MAGI2: variants seen among roughly 807,000 people sequenced by gnomAD.
MAGI2 encodes the protein membrane-associated guanylate kinase, WW and PDZ domain-containing protein 2.
Under a neutral mutation model 133.3 loss-of-function variants are expected in MAGI2, and 35 were observed. That is an observed-to-expected ratio of 0.26 (90% CI 0.20 to 0.35). The LOEUF (loss-of-function observed/expected upper bound fraction) is 0.35. MAGI2 is among the 10% of genes least tolerant of loss of function. MAGI2 has a pLI of 1.00. For synonymous variants in MAGI2, 729 were observed against 710.6 expected, an observed-to-expected ratio of 1.03 and a Z score of -0.41; for missense variants, 1,636 against 1,863.4, an observed-to-expected ratio of 0.88 and a Z score of 2.25.
At chr7:78,977,328 A>G (rs561706944) in intron 2 of MAGI2, among the ~76,000 whole-genome samples, 1 of 151,642 alleles carries the variant, frequency 6.6e-6, no homozygotes, top group South Asian at 2.1e-4. Flanking sequence ...CAATTCAATG[A>G]AGGAACCATC....
chr7:79,028,273 GTATGTA>G (rs1240425845), intron 1 of MAGI2, among the ~76,000 whole-genome samples: 567 of 20,652 alleles, frequency 0.027, 21 homozygotes, highest in African/African-American at 0.068. Flanking sequence ...ATATATGTAT[GTATGTA>G]TATATATATA....
intron 1 of MAGI2, among the ~76,000 whole-genome samples, chr7:79,205,470 T>A (rs925605033): frequency 6.6e-6 from 1 of 151,958 alleles, no homozygotes; most frequent in Non-Finnish European, 1.5e-5. Flanking sequence ...TGCAGACCTG[T>A]CTTATAAGAC....
chr7:78,978,765 G>C (rs1020939220), intron 2 of MAGI2, among the ~76,000 whole-genome samples: 1 of 151,876 alleles, frequency 6.6e-6, no homozygotes, highest in Non-Finnish European at 1.5e-5. Flanking sequence ...GGGTCGGGGA[G>C]CAATGAGCTA....
intron 1 of MAGI2, among the ~76,000 whole-genome samples, chr7:79,303,174 A>C (rs1289910337): frequency 2.9e-4 from 44 of 152,116 alleles, no homozygotes; most frequent in Admixed American, 2.9e-3. Flanking sequence ...AAGGGGTATG[A>C]GGGACACAAA....
intron 1 of MAGI2, among the ~76,000 whole-genome samples, chr7:79,051,326 T>C: frequency 6.6e-6 from 1 of 152,194 alleles, no homozygotes; most frequent in East Asian, 1.9e-4. Context: ...TGAGGGTCTT[T>C]TCTCAATGCA....
intron 10 of MAGI2, among the ~76,000 whole-genome samples, chr7:78,242,490 A>G (rs1791264133): frequency 2.0e-5 from 3 of 152,074 alleles, no homozygotes; most frequent in Admixed American, 6.5e-5. Context: ...GTCATTCACA[A>G]CTCATGCTGT....
chr7:78,304,600 C>T (rs901240691), intron 9 of MAGI2, among the ~76,000 whole-genome samples: 1 of 152,138 alleles, frequency 6.6e-6, no homozygotes, highest in Non-Finnish European at 1.5e-5. Flanking sequence ...TAGCAGTAAA[C>T]AAAATAGGCA....
intron 2 of MAGI2, among the ~76,000 whole-genome samples, chr7:78,944,657 C>T (rs1024557148): frequency 1.3e-5 from 2 of 151,984 alleles, no homozygotes; most frequent in Non-Finnish European, 2.9e-5. Flanking sequence ...TTGTACCACC[C>T]GCCCACTAGC....
intron 20 of MAGI2, among the ~76,000 whole-genome samples, chr7:78,083,846 C>T (rs1816328892): frequency 6.6e-6 from 1 of 152,174 alleles, no homozygotes; most frequent in Non-Finnish European, 1.5e-5. Context: ...GCAAACATCT[C>T]ATAATTCCTT....
chr7:79,031,943 C>T (rs929142315), intron 1 of MAGI2, among the ~76,000 whole-genome samples: 1 of 151,922 alleles, frequency 6.6e-6, no homozygotes, highest in Admixed American at 6.6e-5. Context: ...TCAGTATATT[C>T]ACATCAGGTA....
chr7:78,380,682 C>T (rs1325383181), intron 6 of MAGI2, among the ~76,000 whole-genome samples: 1 of 151,924 alleles, frequency 6.6e-6, no homozygotes, highest in Non-Finnish European at 1.5e-5. Flanking sequence ...TTTGATTGCA[C>T]AACAGGGAGA....
intron 6 of MAGI2, among the ~76,000 whole-genome samples, chr7:78,427,306 T>A (rs1164095059): frequency 6.6e-6 from 1 of 152,016 alleles, no homozygotes; most frequent in African/African-American, 2.4e-5. Context: ...ATTACCAGGC[T>A]GGATAAAAAA....
intron 2 of MAGI2, among the ~76,000 whole-genome samples, chr7:78,772,620 A>G (rs999197949): frequency 8.5e-5 from 13 of 152,304 alleles, no homozygotes; most frequent in Admixed American, 7.2e-4. Flanking sequence ...AGTCCCCTCC[A>G]TCAACACCTA....
intron 1 of MAGI2, among the ~76,000 whole-genome samples, chr7:79,227,822 C>G (rs887685057): frequency 2.0e-5 from 3 of 152,180 alleles, no homozygotes; most frequent in Admixed American, 1.3e-4. Flanking sequence ...CAAGACTCTA[C>G]AGGCTGAAAG....
At chr7:78,466,763 T>A (rs561890004) in intron 6 of MAGI2, among the ~76,000 whole-genome samples, 1 of 152,198 alleles carries the variant, frequency 6.6e-6, no homozygotes, top group African/African-American at 2.4e-5. Flanking sequence ...GACAGGATAA[T>A]CCTACAGTGT....
chr7:78,683,150 C>T (rs868821091), intron 2 of MAGI2, among the ~76,000 whole-genome samples: 2 of 152,006 alleles, frequency 1.3e-5, no homozygotes, highest in African/African-American at 4.8e-5. Context: ...GAATCTGAGT[C>T]CTGAAGTGTT....
intron 1 of MAGI2, among the ~76,000 whole-genome samples, chr7:79,402,818 AT>A (rs1486563387): frequency 1.3e-5 from 2 of 152,130 alleles, no homozygotes; most frequent in Admixed American, 6.6e-5. Context: ...TTCAGTGTCT[AT>A]TGACTTACAG....
At chr7:78,584,550 C>T (rs1803201106) in intron 3 of MAGI2, among the ~76,000 whole-genome samples, 1 of 151,736 alleles carries the variant, frequency 6.6e-6, no homozygotes, top group African/African-American at 2.4e-5. Flanking sequence ...AAGCTTTCTG[C>T]ATGGCATCAG....
chr7:78,121,402 A>G (rs892977256), intron 20 of MAGI2, among the ~76,000 whole-genome samples: 4 of 152,234 alleles, frequency 2.6e-5, no homozygotes, highest in African/African-American at 7.2e-5. Context: ...TATAATCAAC[A>G]TGAAGAAATA....
Sources: gnomAD v4.1 joint callset for allele counts (sites outside exome capture counted in the v4.1 genomes callset) on GRCh38, gnomAD v4.1.1 for gene constraint, MANE v1.5 for transcripts, NCBI Gene and HGNC (gene_info 2026-07-23, HGNC 2026-07-21) for gene names.